The following TBC1D19 variants were observed in gnomAD, a reference collection of about 807,000 sequenced individuals.
The protein encoded by TBC1D19 is TBC1 domain family, member 19.
Under a neutral mutation model 89.0 loss-of-function variants are expected in TBC1D19, and 60 were observed. That is an observed-to-expected ratio of 0.67 (90% CI 0.55 to 0.84). The LOEUF is 0.84. Ranked by LOEUF, TBC1D19 falls within the 40% of genes least tolerant of loss-of-function variation. The probability of loss-of-function intolerance (pLI) is 0.00; values close to 1 mark genes in which losing one functional copy is unlikely to be tolerated. For missense variants in TBC1D19, 500 were observed against 610.8 expected (o/e 0.82, Z 1.91); for synonymous variants, 189 against 199.7 (o/e 0.95, Z 0.45).
At chr4:26,818,443 G>A in the TBC1D19 span, among the ~76,000 whole-genome samples, 2 of 152,050 alleles carry the variant, frequency 1.3e-5, no homozygotes, top group Admixed American at 1.3e-4. Context: ...CAGGGAGAAG[G>A]GAAGGTCTCA....
At chr4:26,688,308 T>C (rs1472629350) in intron 12 of TBC1D19, 37 bp from the exon 13 acceptor site, 1 of 1,553,642 alleles carries the variant, frequency 6.4e-7, no homozygotes, top group African/African-American at 1.4e-5. Context: ...ACAGATCTGT[T>C]TGAGTTCTTT....
At chr4:26,757,771 C>T (rs1472100371), downstream of TBC1D19, among the ~76,000 whole-genome samples, 7 of 152,210 alleles carry the variant, frequency 4.6e-5, no homozygotes, top group Admixed American at 4.6e-4. Context: ...CCAGATTTAT[C>T]TCCTTCCTTC....
At chr4:26,767,512 G>C in the TBC1D19 span, among the ~76,000 whole-genome samples, 1 of 152,066 alleles carries the variant, frequency 6.6e-6, no homozygotes, top group African/African-American at 2.4e-5. Context: ...AAGTCATCAG[G>C]GTAGAGCCAC....
At chr4:26,801,343 T>C in the TBC1D19 span, among the ~76,000 whole-genome samples, 64 of 152,154 alleles carry the variant, frequency 4.2e-4, 1 homozygote, top group African/African-American at 1.5e-3. Flanking sequence ...TTTCTGAGGG[T>C]TCTGTTCTGT....
At chr4:26,780,775 C>A in the TBC1D19 span, among the ~76,000 whole-genome samples, 9 of 152,246 alleles carry the variant, frequency 5.9e-5, no homozygotes, top group African/African-American at 2.2e-4. Flanking sequence ...TGAGAGAAGA[C>A]ATTTCCTGGC....
At chr4:26,832,077 C>A in the TBC1D19 span, among the ~76,000 whole-genome samples, 12 of 152,158 alleles carry the variant, frequency 7.9e-5, no homozygotes. Flanking sequence ...ACATGCTGGG[C>A]AAGCTGTGGG....
At chr4:26,638,217 T>A (rs1743257286) in intron 5 of TBC1D19, among the ~76,000 whole-genome samples, 1 of 151,822 alleles carries the variant, frequency 6.6e-6, no homozygotes, top group Admixed American at 6.6e-5. Context: ...TCTCCCTACC[T>A]GCTATTTATT....
the TBC1D19 span, among the ~76,000 whole-genome samples, chr4:26,792,156 A>G: frequency 6.6e-6 from 1 of 152,134 alleles, no homozygotes; most frequent in Non-Finnish European, 1.5e-5. Flanking sequence ...TTTCTATGCT[A>G]AGAATAAACT....
the TBC1D19 span, among the ~76,000 whole-genome samples, chr4:26,853,652 C>T: frequency 1.3e-5 from 2 of 152,108 alleles, no homozygotes; most frequent in Non-Finnish European, 2.9e-5. Context: ...GTTCTCCTGG[C>T]TCAGCCTCCT....
chr4:26,743,465 A>G (rs1398443427), intron 18 of TBC1D19, among the ~76,000 whole-genome samples: 1 of 152,064 alleles, frequency 6.6e-6, no homozygotes, highest in Non-Finnish European at 1.5e-5. Context: ...TCAAAGCCTC[A>G]ATTTCTTTAC....
At chr4:26,807,710 T>C in the TBC1D19 span, among the ~76,000 whole-genome samples, 1 of 152,212 alleles carries the variant, frequency 6.6e-6, no homozygotes, top group African/African-American at 2.4e-5. Context: ...AGGTCCTGGA[T>C]TCTTGGCCTT....
At chr4:26,607,549 A>C (rs754018124) in intron 1 of TBC1D19, among the ~76,000 whole-genome samples, 3 of 152,164 alleles carry the variant, frequency 2.0e-5, no homozygotes, top group Non-Finnish European at 4.4e-5. Flanking sequence ...GTGATTCCAG[A>C]TCTTTTGATG....
At chr4:26,652,162 G>A (rs1490714891) in intron 7 of TBC1D19, among the ~76,000 whole-genome samples, 1 of 152,032 alleles carries the variant, frequency 6.6e-6, no homozygotes, top group Non-Finnish European at 1.5e-5. Flanking sequence ...AGGGATATTG[G>A]TCCAAAATTC....
the TBC1D19 span, among the ~76,000 whole-genome samples, chr4:26,762,567 T>C: frequency 1.4e-3 from 219 of 152,228 alleles, no homozygotes; most frequent in African/African-American, 5.0e-3. Context: ...AATGGCGCCA[T>C]CCTTCCTGTG....
chr4:26,713,168 C>A (rs370976608), intron 13 of TBC1D19, among the ~76,000 whole-genome samples: 1 of 151,728 alleles, frequency 6.6e-6, no homozygotes, highest in Non-Finnish European at 1.5e-5. Context: ...TCTTAATAGA[C>A]GCCAAAAATT....
At chr4:26,624,897 C>T (rs186287160) in intron 4 of TBC1D19, among the ~76,000 whole-genome samples, 29 of 152,140 alleles carry the variant, frequency 1.9e-4, no homozygotes, top group Admixed American at 9.2e-4. Context: ...GTTTCGTCCA[C>T]GCACTGGGAA....
chr4:26,627,302 G>A (rs900254140), intron 4 of TBC1D19, among the ~76,000 whole-genome samples: 1 of 152,096 alleles, frequency 6.6e-6, no homozygotes, highest in African/African-American at 2.4e-5. Context: ...TTGGACATTT[G>A]GGTTGGTTCT....
chr4:26,644,806 T>C lies in TBC1D19; in HGVS notation c.480+4619T>C, dbSNP rs544580175. ...GGCAAACAGAGAGCCAAATTATGAG[T>C]GAACTCCCATTTACAATTGCTACAA... is the stretch of plus-strand genomic sequence containing the variant. On this transcript the variant is annotated intron_variant, in intron 7 of 20. Transcript: ENST00000264866. Among the ~76,000 whole-genome samples, 23 of 152,230 alleles carry C rather than the reference T, an allele frequency of 1.5e-4. 1 individual carries two copies. In the Middle Eastern group the frequency reaches 0.017, roughly 113 times the overall value.
At chr4:26,834,982 C>A in the TBC1D19 span, among the ~76,000 whole-genome samples, 1 of 152,034 alleles carries the variant, frequency 6.6e-6, no homozygotes, top group Non-Finnish European at 1.5e-5. Flanking sequence ...AGCCCTTAGC[C>A]CTTACTCCCT....
Sources: gnomAD v4.1 joint callset for allele counts (sites outside exome capture counted in the v4.1 genomes callset) on GRCh38, gnomAD v4.1.1 for gene constraint, MANE v1.5 for transcripts, NCBI Gene and HGNC (gene_info 2026-07-23, HGNC 2026-07-21) for gene names.